TBC1D19: variants seen among roughly 807,000 people sequenced by gnomAD.
The protein encoded by TBC1D19 is TBC1 domain family, member 19.
Under a neutral mutation model 89.0 loss-of-function variants are expected in TBC1D19, and 60 were observed. The ratio of observed to expected loss-of-function variants is 0.67; its 90% confidence interval spans 0.55 to 0.84. The LOEUF is 0.84. TBC1D19 is among the 40% of genes least tolerant of loss of function. TBC1D19 has a pLI of 0.00. For missense variants in TBC1D19, 500 were observed against 610.8 expected, an observed-to-expected ratio of 0.82 and a Z score of 1.91; for synonymous variants, 189 against 199.7, an observed-to-expected ratio of 0.95 and a Z score of 0.45.
intron 8 of TBC1D19, among the ~76,000 whole-genome samples, chr4:26,663,307 G>A (rs946368605): frequency 6.6e-6 from 1 of 152,150 alleles, no homozygotes; most frequent in Admixed American, 6.5e-5. Context: ...TCACAATAAT[G>A]CAAACTTTTA....
chr4:26,723,013 G>A (rs1219330384), intron 15 of TBC1D19, among the ~76,000 whole-genome samples: 1 of 152,228 alleles, frequency 6.6e-6, no homozygotes, highest in South Asian at 2.1e-4. Flanking sequence ...GGGAAGAAAG[G>A]AAAGTAGTTA....
At chr4:26,793,245 C>T in the TBC1D19 span, among the ~76,000 whole-genome samples, 40 of 152,228 alleles carry the variant, frequency 2.6e-4, no homozygotes, top group Non-Finnish European at 4.6e-4. Context: ...CCAGGAGACC[C>T]GCTTCTCATG....
At chr4:26,818,181 T>A in the TBC1D19 span, among the ~76,000 whole-genome samples, 736 of 151,996 alleles carry the variant, frequency 4.8e-3, 3 homozygotes, top group African/African-American at 0.017. Context: ...GGAGAACACA[T>A]CTTCAAACGG....
chr4:26,759,117 C>G (rs1470689452), downstream of TBC1D19, among the ~76,000 whole-genome samples: 1 of 152,194 alleles, frequency 6.6e-6, no homozygotes, highest in Non-Finnish European at 1.5e-5. Context: ...GACTGCTTCT[C>G]TTAAGAATCC....
chr4:26,749,544 T>A (rs1718838611), intron 19 of TBC1D19, among the ~76,000 whole-genome samples: 1 of 151,472 alleles, frequency 6.6e-6, no homozygotes, highest in Non-Finnish European at 1.5e-5. Context: ...CCTCCTGGGT[T>A]AAAGAGAGTC....
intron 15 of TBC1D19, among the ~76,000 whole-genome samples, chr4:26,724,637 C>T (rs11947882): frequency 6.6e-6 from 1 of 152,248 alleles, no homozygotes; most frequent in African/African-American, 2.4e-5. Flanking sequence ...ATAAAAACCC[C>T]TCTTTCAGTC....
At chr4:26,800,715 G>T in the TBC1D19 span, among the ~76,000 whole-genome samples, 21 of 152,240 alleles carry the variant, frequency 1.4e-4, no homozygotes, top group East Asian at 3.9e-3. Flanking sequence ...GTGTGAGATG[G>T]TATCTCATTG....
rs1202801364 is a variant in TBC1D19, at chr4:26,755,286, C to G, written c.*339C>G. The G allele has an allele frequency of 6.6e-6, 1 of 152,580 alleles. No individual in the cohort carries two copies. The highest frequency in any genetic ancestry group is 2.4e-5 in the African/African-American group (1 of 41,388). The allele number at this position is 152,580 out of a possible 1,614,324, so 9.5% of individuals were successfully genotyped here. On this transcript the variant is annotated 3_prime_UTR_variant, in exon 21 of 21. Transcript: ENST00000264866. ...GAACTAAAGATACTGTAATAAACTT[C>G]AAGAGGTAATGTAGCTTCTTGGATA...
chr4:26,595,869 C>G (rs187100121), intron 1 of TBC1D19, among the ~76,000 whole-genome samples: 2 of 152,162 alleles, frequency 1.3e-5, no homozygotes, highest in Non-Finnish European at 2.9e-5. Flanking sequence ...CTTTATAAGT[C>G]TTGAAGTTGG....
At chr4:26,584,035 C>A (rs1238337891), upstream of TBC1D19, 8 of 677,836 alleles carry the variant, frequency 1.2e-5, no homozygotes, top group East Asian at 2.8e-5. Context: ...CAGAGAGGGA[C>A]GGACACAAGG....
In TBC1D19 at chr4:26,686,313, A is replaced by T. The variant is rs140963715; in HGVS notation, c.892-2032A>T. ...AACCAGGCTGTTGAGCAAAGTAGCA[A>T]TCGGGGAGGATGGAAAGTCATAGAT... On this transcript the variant is annotated intron_variant, in intron 12 of 20. Transcript: ENST00000264866. Among the ~76,000 whole-genome samples the T allele has an allele frequency of 7.0e-3, 1,068 of 152,294 alleles. 10 individuals are homozygous for T. Among genetic ancestry groups the T allele is most frequent in the African/African-American group, 0.024 (988 of 41,548 alleles).
intron 19 of TBC1D19, 32 bp downstream of exon 19, chr4:26,748,558 G>A: frequency 6.8e-7 from 1 of 1,472,344 alleles, no homozygotes; most frequent in Non-Finnish European, 9.4e-7. Context: ...TAGAACACAT[G>A]CTGTTTCTAT....
At chr4:26,830,186 G>A in the TBC1D19 span, among the ~76,000 whole-genome samples, 4 of 152,158 alleles carry the variant, frequency 2.6e-5, no homozygotes, top group African/African-American at 9.7e-5. Flanking sequence ...AACTTGACTG[G>A]CACTTGCAAA....
intron 7 of TBC1D19, among the ~76,000 whole-genome samples, chr4:26,657,182 C>T (rs1002253913): frequency 6.6e-6 from 1 of 151,550 alleles, no homozygotes; most frequent in Admixed American, 6.6e-5. Flanking sequence ...GTTTGCTGCA[C>T]CCATCAACCT....
downstream of TBC1D19, among the ~76,000 whole-genome samples, chr4:26,757,786 A>G (rs2109342872): frequency 1.3e-5 from 2 of 152,288 alleles, no homozygotes; most frequent in East Asian, 3.9e-4. Flanking sequence ...TCCTTCTTGC[A>G]TTAAGAAGTG....
At chr4:26,771,736 C>A in the TBC1D19 span, among the ~76,000 whole-genome samples, 5 of 151,990 alleles carry the variant, frequency 3.3e-5, no homozygotes. Flanking sequence ...ATCTGCTTCA[C>A]AACATTGTGC....
the TBC1D19 span, among the ~76,000 whole-genome samples, chr4:26,801,347 G>T: frequency 6.6e-6 from 1 of 152,266 alleles, no homozygotes; most frequent in East Asian, 1.9e-4. Context: ...TGAGGGTTCT[G>T]TTCTGTTCCA....
intron 7 of TBC1D19, among the ~76,000 whole-genome samples, chr4:26,641,661 A>G (rs1248979754): frequency 6.6e-6 from 1 of 152,204 alleles, no homozygotes; most frequent in Non-Finnish European, 1.5e-5. Flanking sequence ...AACCCATCAC[A>G]AGGAAGCTAA....
At chr4:26,789,826 A>G in the TBC1D19 span, among the ~76,000 whole-genome samples, 3 of 152,228 alleles carry the variant, frequency 2.0e-5, no homozygotes, top group Admixed American at 6.5e-5. Flanking sequence ...GAAAATGTGG[A>G]GTATACATAC....
Sources: allele counts gnomAD v4.1 joint callset (sites outside exome capture counted in the v4.1 genomes callset), GRCh38; gene constraint gnomAD v4.1.1; transcripts MANE v1.5; gene names NCBI Gene and HGNC (gene_info 2026-07-23, HGNC 2026-07-21).